The following LRRC2 variants were observed in gnomAD, a reference collection of about 807,000 sequenced individuals.
LRRC2 encodes leucine rich repeat containing 2, also known as leucine-rich repeat-containing protein 2.
Under a neutral mutation model 40.2 loss-of-function variants are expected in LRRC2, and 27 were observed. The observed-to-expected ratio is 0.67, with a 90% confidence interval of 0.49 to 0.93. The LOEUF (loss-of-function observed/expected upper bound fraction) is 0.93. LRRC2 is among the 40% of genes least tolerant of loss of function. LRRC2 has a pLI of 0.00. For synonymous variants in LRRC2, 147 were observed against 158.9 expected, an observed-to-expected ratio of 0.92 and a Z score of 0.56; for missense variants, 402 against 439.6, an observed-to-expected ratio of 0.91 and a Z score of 0.76.
intron 5 of LRRC2, among the ~76,000 whole-genome samples, chr3:46,532,359 C>G (rs1218728894): frequency 6.6e-6 from 1 of 152,208 alleles, no homozygotes; most frequent in African/African-American, 2.4e-5. Flanking sequence ...AATCCCAGGA[C>G]TCTGGGAGGC....
At chr3:46,522,987 A>T (rs918199966) in intron 7 of LRRC2, among the ~76,000 whole-genome samples, 3 of 152,200 alleles carry the variant, frequency 2.0e-5, no homozygotes, top group African/African-American at 7.2e-5. Context: ...TCATTGGATT[A>T]TAGATGAGAG....
intron 4 of LRRC2, among the ~76,000 whole-genome samples, chr3:46,533,803 C>CTTTCTTTCTTTCTTTCTTTATTTCTTTG (rs1324185043): frequency 8.2e-6 from 1 of 122,034 alleles, no homozygotes; most frequent in Non-Finnish European, 1.8e-5. Flanking sequence ...TTCTTTGTTT[C>CTTTCTTTCTTTCTTTCTTTATTTCTTTG]TTTCTTTCTT....
chr3:46,543,645 ATAATAAATAAT>A (rs1559415684), intron 3 of LRRC2, among the ~76,000 whole-genome samples: 3 of 95,408 alleles, frequency 3.1e-5, no homozygotes, highest in Non-Finnish European at 8.0e-5. Context: ...AATAATAATA[ATAATAAATAAT>A]AAATACCCTT....
At position 46,552,335 on chromosome 3, in the gene LRRC2, C is replaced by T. The variant is rs568098036; in HGVS notation, c.-19-725G>A. ...CAGGCACGCACACACATCCTCTCTC[C>T]TCTCTCAAGTAGAACGGAATATAAC... On this transcript the variant is annotated intron_variant, in intron 1 of 8. Coordinates refer to ENST00000395905, the MANE Select transcript of LRRC2 (RefSeq NM_024512.5). Among the ~76,000 whole-genome samples, 3 of 151,724 alleles carry T rather than the reference C, an allele frequency of 2.0e-5. No individual in the cohort carries two copies. The South Asian group carries it at 6.2e-4, about 32-fold the overall frequency.
At position 46,538,500 on chromosome 3, in the gene LRRC2, G is replaced by A. The variant is rs549994142; in HGVS notation, c.490+545C>T. ...AAAAAAAAATACAAAATCAGCTGGT[G>A]GCACGTGACTGTAACCCTAGCTACT... On this transcript the variant is annotated intron_variant, in intron 4 of 8. Coordinates refer to ENST00000395905, the MANE Select transcript of LRRC2 (RefSeq NM_024512.5). 2.0e-5 allele frequency among the ~76,000 whole-genome samples: 3 copies of A among 152,104 alleles called. No homozygotes were observed. The South Asian group carries it at 6.2e-4, about 32-fold the overall frequency.
intron 1 of LRRC2, among the ~76,000 whole-genome samples, chr3:46,563,606 G>T (rs996644326): frequency 1.3e-5 from 2 of 152,172 alleles, no homozygotes; most frequent in Admixed American, 1.3e-4. Context: ...AAACCCGCCT[G>T]TTATTTTATT....
chr3:46,561,621 T>C (rs1704945120), intron 1 of LRRC2, among the ~76,000 whole-genome samples: 1 of 152,118 alleles, frequency 6.6e-6, no homozygotes, highest in African/African-American at 2.4e-5. Flanking sequence ...TCTGCCCCAG[T>C]ATCACCCAGA....
intron 6 of LRRC2, among the ~76,000 whole-genome samples, chr3:46,528,832 C>T (rs958684254): frequency 3.9e-5 from 6 of 152,190 alleles, no homozygotes; most frequent in Non-Finnish European, 8.8e-5. Context: ...AGATTGTAGG[C>T]CAGGCACGGT....
At chr3:46,537,036 G>C (rs1297100710) in intron 4 of LRRC2, among the ~76,000 whole-genome samples, 1 of 152,182 alleles carries the variant, frequency 6.6e-6, no homozygotes, top group African/African-American at 2.4e-5. Flanking sequence ...CCCAAGCCAA[G>C]GTGGCAGGAT....
intron 1 of LRRC2, among the ~76,000 whole-genome samples, chr3:46,552,078 T>C (rs73069984): frequency 0.035 from 5,386 of 152,146 alleles, 203 homozygotes; most frequent in South Asian, 0.15. Context: ...TAAGTCATAG[T>C]TCAACACTCA....
At position 46,545,113 on chromosome 3, in the gene LRRC2, G is replaced by T; in HGVS notation, c.266C>A (p.Ser89Ter). 1 of 1,614,098 alleles carries T rather than the reference G, an allele frequency of 6.2e-7. No individual in the cohort carries two copies. Among genetic ancestry groups the T allele is most frequent in the Non-Finnish European group, 8.5e-7 (1 of 1,180,032 alleles). Residue 89 changes from serine to a stop codon, truncating the protein, a stop_gained, in exon 3 of 9, where the codon TCA becomes TAA. Transcript: ENST00000395905. LOFTEE classifies it high-confidence loss of function. ...IERNTLTRQSSLPKDRGKRSS... is the reference protein window; with the variant it reads ...IERNTLTRQS ...CCGTTTGCCTCTGTCCTTGGGAAGT[G>T]AACTCTGCCTTGTGAGAGTGTTCCT...
rs1023330034 is a variant in LRRC2 at position 46,518,455 on chromosome 3, G to A, written c.*559C>T. On this transcript the variant is annotated 3_prime_UTR_variant, in exon 9 of 9. Transcript: ENST00000395905. ...CGGCTCACTGCAACTCCACCTCCCA[G>A]GTTCAAGCGATTCTCCTGCCTCAGC... 1.3e-5 allele frequency: 2 copies of A among 151,626 alleles called. No homozygotes were observed. Among genetic ancestry groups the A allele is most frequent in the South Asian group, 4.2e-4 (2 of 4,804 alleles). 9.4% of individuals were successfully genotyped at this position (151,626 alleles called of 1,614,324 possible).
intron 1 of LRRC2, among the ~76,000 whole-genome samples, chr3:46,564,431 T>G (rs1421759650): frequency 6.6e-6 from 1 of 151,334 alleles, no homozygotes; most frequent in Non-Finnish European, 1.5e-5. Flanking sequence ...AGGGGGGGTT[T>G]TCCGGTCACC....
chr3:46,545,616 G>T (rs1223894077), intron 2 of LRRC2, among the ~76,000 whole-genome samples: 6 of 152,198 alleles, frequency 3.9e-5, no homozygotes, highest in African/African-American at 1.4e-4. Flanking sequence ...AGGAGCTTCA[G>T]TGTATAAAAC....
Position 46,530,176 on chromosome 3 carries a change from T to C in LRRC2, c.628-126A>G, listed in dbSNP as rs1033023645. 3 of 741,214 alleles carry C rather than the reference T, an allele frequency of 4.0e-6. No individual in the cohort carries two copies. The African/African-American group carries it at 5.3e-5, about 13-fold the overall frequency. The allele number at this position is 741,214 out of a possible 1,614,324, so 45.9% of individuals were successfully genotyped here. ...TATGAATATATGCAAAGCAGATCAATACAGTATGTATTTTGAAGCACCTCA... is the reference window on the plus strand; with the variant it reads ...TATGAATATATGCAAAGCAGATCAACACAGTATGTATTTTGAAGCACCTCA... On this transcript the variant is annotated intron_variant, in intron 5 of 8. Transcript: ENST00000395905.
chr3:46,545,193 T>C lies in LRRC2; in HGVS notation c.186A>G (p.Val62=), dbSNP rs543261092. The change falls in exon 3 of 9, where the codon GTA becomes GTG. Residue 62 remains valine (V), a synonymous_variant. Transcript: ENST00000395905. ...ECRRKGIPQA[V]YCKNGFIDTS... is the part of the protein sequence containing the mutation. ...TGTCTATGAAGCCATTCTTGCAGTA[T>C]ACAGCCTGGGGGATGCCCTTCCTCC... 2 of 1,614,226 alleles carry C rather than the reference T, an allele frequency of 1.2e-6. No homozygotes were observed. Among genetic ancestry groups the C allele is most frequent in the South Asian group, 2.2e-5 (2 of 91,084 alleles).
intron 7 of LRRC2, 39 bp downstream of exon 7, chr3:46,527,387 G>A (rs1320943947): frequency 6.2e-7 from 1 of 1,610,970 alleles, no homozygotes; most frequent in Non-Finnish European, 8.5e-7. Context: ...CTCCTTACCT[G>A]TGTCTGAGTG....
chr3:46,545,367 C>T (rs1704503722), intron 2 of LRRC2, 114 bp from the exon 3 acceptor site: 2 of 830,904 alleles, frequency 2.4e-6, no homozygotes, highest in Non-Finnish European at 1.9e-6. Context: ...CCCAGGCCTA[C>T]GTAAGCACTC....
chr3:46,554,014 TG>T (rs747148887), intron 1 of LRRC2, among the ~76,000 whole-genome samples: 4 of 151,316 alleles, frequency 2.6e-5, no homozygotes, highest in Non-Finnish European at 5.9e-5. Flanking sequence ...TTGTTGTTGT[TG>T]TTTTTTTGTT....
Sources: allele counts gnomAD v4.1 joint callset (sites outside exome capture counted in the v4.1 genomes callset), GRCh38; gene constraint gnomAD v4.1.1; transcripts MANE v1.5; gene names NCBI Gene and HGNC (gene_info 2026-07-23, HGNC 2026-07-21).